Variants in ZNF799 observed in about 807,000 individuals in gnomAD.
The protein encoded by ZNF799 is zinc finger protein 799.
ZNF799 carries 28 observed loss-of-function variants against 41.0 expected under a neutral mutation model. The observed-to-expected ratio is 0.68, with a 90% CI of 0.51 to 0.94. ZNF799 has a LOEUF of 0.94. Ranked by LOEUF, ZNF799 falls within the 40% of genes least tolerant of loss-of-function variation. The probability of loss-of-function intolerance (pLI) is 0.00; values close to 1 mark genes in which losing one functional copy is unlikely to be tolerated. For missense variants in ZNF799, 716 were observed against 764.3 expected, an observed-to-expected ratio of 0.94 and a Z score of 0.74; for synonymous variants, 213 against 252.9, an observed-to-expected ratio of 0.84 and a Z score of 1.50.
At chr19:12,414,078 G>A in the ZNF799 span, among the ~76,000 whole-genome samples, 1 of 152,196 alleles carries the variant, frequency 6.6e-6, no homozygotes, top group Non-Finnish European at 1.5e-5. Flanking sequence ...ACAGAGCTGG[G>A]AACCAAGCGC....
In ZNF799 at chr19:12,390,861, A is replaced by G. The variant is rs1309644202; in HGVS notation, c.1537T>C (p.Phe513Leu). The G allele has an allele frequency of 6.2e-7, 1 of 1,614,016 alleles. No individual in the cohort carries two copies. Among genetic ancestry groups the G allele is most frequent in the Non-Finnish European group, 8.5e-7 (1 of 1,180,014 alleles). ...ACTTTTAAGTTACCAAAATGACTGA[A>G]GGCTTTCTTACATGTGTTACACTCA... is the stretch of plus-strand genomic sequence containing the variant. The part of the protein sequence containing the change: ...PYECNTCKKA[F>L]SHFGNLKVHE... The change falls in exon 4 of 4, where the codon TTC (phenylalanine) becomes CTC (leucine). Residue 513 changes from phenylalanine (F) to leucine (L), a missense_variant. Phe to Leu is a conservative substitution (Grantham distance 22, BLOSUM62 0). Coordinates refer to ENST00000430385, the MANE Select transcript of ZNF799 (RefSeq NM_001080821.3).
chr19:12,413,866 C>T, the ZNF799 span, among the ~76,000 whole-genome samples: 2 of 152,166 alleles, frequency 1.3e-5, no homozygotes, highest in East Asian at 1.9e-4. Flanking sequence ...GGTAGTCGCC[C>T]GTAGGGAAGT....
chr19:12,391,989 C>T lies in ZNF799; in HGVS notation c.409G>A (p.Gly137Arg). The change falls in exon 4 of 4, where the codon GGA becomes AGA. Residue 137 changes from glycine (G) to arginine (R), a missense_variant. By Grantham distance (125) the Gly-to-Arg change is moderately radical. Coordinates refer to ENST00000430385, the MANE Select transcript of ZNF799 (RefSeq NM_001080821.3). ...GHKPYEYHEC[G>R]EKPDTHKQRG... ...TGTTTATGCGTATCTGGCTTCTCTC[C>T]ACATTCATGATACTCATATGGTTTG... 5.0e-6 allele frequency: 8 copies of T among 1,614,168 alleles called. No individual in the cohort carries two copies. Among genetic ancestry groups the T allele is most frequent in the Non-Finnish European group, 6.8e-6 (8 of 1,180,022 alleles).
chr19:12,393,942 C>G (rs747821370), intron 1 of ZNF799: 10 of 177,864 alleles, frequency 5.6e-5, no homozygotes, highest in African/African-American at 9.6e-5. Context: ...TCCTTAACCC[C>G]ATCTTCCTTC....
the ZNF799 span, among the ~76,000 whole-genome samples, chr19:12,411,764 C>T: frequency 6.6e-6 from 1 of 152,124 alleles, no homozygotes; most frequent in Non-Finnish European, 1.5e-5. Context: ...AGATGCGCAC[C>T]ACCACACCCC....
At chr19:12,408,350 AAG>A in the ZNF799 span, among the ~76,000 whole-genome samples, 65 of 152,298 alleles carry the variant, frequency 4.3e-4, no homozygotes, top group African/African-American at 1.4e-3. Flanking sequence ...GGCAGAAAAA[AAG>A]AAGTTGAAAA....
chr19:12,403,842 G>A (rs549036638), upstream of ZNF799, among the ~76,000 whole-genome samples: 7 of 152,212 alleles, frequency 4.6e-5, no homozygotes, highest in East Asian at 1.9e-4. Context: ...GGGAGCCACC[G>A]CACCCAGCCT....
chr19:12,401,310 G>A (rs1969982599), upstream of ZNF799: 1 of 1,246,218 alleles, frequency 8.0e-7, no homozygotes, highest in Non-Finnish European at 1.1e-6. Context: ...TACTGGATAC[G>A]GCGTCAGGTG....
chr19:12,399,499 T>C (rs1226075419), intron 1 of ZNF799, among the ~76,000 whole-genome samples: 1 of 151,580 alleles, frequency 6.6e-6, no homozygotes, highest in Admixed American at 6.6e-5. Flanking sequence ...ACAGGAATTA[T>C]ATACCAGAAG....
intron 2 of ZNF799, 75 bp from the exon 3 acceptor site, chr19:12,392,738 C>A (rs1338875899): frequency 2.5e-6 from 3 of 1,203,282 alleles, no homozygotes; most frequent in Non-Finnish European, 2.4e-6. Flanking sequence ...TTGATGTACA[C>A]TGCAATCGTT....
Position 12,391,381 on chromosome 19 carries a change from ACACTTATGAGGTC to A in ZNF799, c.1004_1016del (p.Gly335ValfsTer14). ...AATCAAAGCCTTTTCCACATATCTT[ACACTTATGAGGTC>A]CATCTCTCGTGTGCATTACCATGTG... is the stretch of plus-strand genomic sequence containing the variant. On this transcript the variant is annotated frameshift_variant, in exon 4 of 4. Coordinates refer to ENST00000430385, the MANE Select transcript of ZNF799 (RefSeq NM_001080821.3). LOFTEE classifies it high-confidence loss of function. 6.2e-7 allele frequency: 1 copy of A among 1,614,014 alleles called. No homozygotes were observed. The highest frequency in any genetic ancestry group is 2.2e-5 in the East Asian group (1 of 44,868).
chr19:12,393,663 G>C, intron 1 of ZNF799: 1 of 1,360,786 alleles, frequency 7.3e-7, no homozygotes, highest in South Asian at 1.5e-5. Flanking sequence ...TTGGCGAACT[G>C]AGTGAGTGAA....
rs553857687 is a variant in ZNF799, at chr19:12,392,201, C to T, written c.197G>A (p.Arg66His). The T allele has an allele frequency of 1.9e-5, 29 of 1,555,814 alleles. No homozygotes were observed. The highest frequency in any genetic ancestry group is 8.3e-5 in the African/African-American group (6 of 72,696). The change falls in exon 4 of 4, where the codon CGT becomes CAT. Residue 66 changes from arginine (R) to histidine (H), a missense_variant. Physicochemically the swap from Arg to His is conservative, Grantham distance 29 (BLOSUM62 0). Coordinates refer to ENST00000430385, the MANE Select transcript of ZNF799 (RefSeq NM_001080821.3). ...ACTTTCAACAAATCTCTCTAACATA[C>T]GACATCTGTAAAAAATGGGAAATAT... ...YRYPRKNLRCRMLERFVESKD... is the reference protein window; with the variant it reads ...YRYPRKNLRCHMLERFVESKD...
At chr19:12,408,969 A>T in the ZNF799 span, among the ~76,000 whole-genome samples, 1 of 151,868 alleles carries the variant, frequency 6.6e-6, no homozygotes, top group African/African-American at 2.4e-5. Flanking sequence ...CAGGAGGCAG[A>T]GGTTGCAGTG....
chr19:12,403,464 T>C (rs1222997022), upstream of ZNF799, among the ~76,000 whole-genome samples: 4 of 152,136 alleles, frequency 2.6e-5, no homozygotes, highest in Non-Finnish European at 4.4e-5. Context: ...TTTCTACTAA[T>C]TTTGGGTTTG....
the ZNF799 span, among the ~76,000 whole-genome samples, chr19:12,407,727 C>A: frequency 6.6e-6 from 1 of 152,176 alleles, no homozygotes; most frequent in East Asian, 1.9e-4. Flanking sequence ...GTGATGTTAT[C>A]TGGGATACGA....
At chr19:12,412,544 GAAA>G in the ZNF799 span, among the ~76,000 whole-genome samples, 43 of 147,394 alleles carry the variant, frequency 2.9e-4, no homozygotes, top group Middle Eastern at 3.6e-3. Context: ...AAATTTGTCA[GAAA>G]AAAAAAAAAC....
intron 1 of ZNF799, among the ~76,000 whole-genome samples, chr19:12,398,503 A>G (rs1291757527): frequency 6.6e-6 from 1 of 152,224 alleles, no homozygotes; most frequent in Non-Finnish European, 1.5e-5. Context: ...CCAAATACCT[A>G]TCCCTTCCAG....
chr19:12,406,415 C>T, the ZNF799 span, among the ~76,000 whole-genome samples: 9,645 of 148,990 alleles, frequency 0.065, 969 homozygotes, highest in African/African-American at 0.22. Context: ...ACCTGGGAGG[C>T]GGAGCTTGCA....
Sources: gnomAD v4.1 joint callset for allele counts (sites outside exome capture counted in the v4.1 genomes callset) on GRCh38, gnomAD v4.1.1 for gene constraint, MANE v1.5 for transcripts, NCBI Gene and HGNC (gene_info 2026-07-23, HGNC 2026-07-21) for gene names.